CELF2: variants seen among roughly 807,000 people sequenced by gnomAD.
CELF2 encodes CUG triplet repeat RNA-binding protein 2.
Under a neutral mutation model 62.6 loss-of-function variants are expected in CELF2, and 8 were observed. That is an observed-to-expected ratio of 0.13 (90% CI 0.07 to 0.23). The LOEUF (loss-of-function observed/expected upper bound fraction) is 0.23, where lower values mean the gene tolerates loss of function less well. Among genes scored for constraint, CELF2 ranks in the 10% least tolerant of loss-of-function variants. CELF2 has a pLI of 1.00. For synonymous variants in CELF2, 258 were observed against 250.0 expected, an observed-to-expected ratio of 1.03 and a Z score of -0.30; for missense variants, 333 against 671.0, an observed-to-expected ratio of 0.50 and a Z score of 5.56.
In CELF2 at chr10:11,305,760, C is replaced by G. The variant is rs2094155177; in HGVS notation, c.977-8379C>G. Among the ~76,000 whole-genome samples, 1 of 152,222 alleles carries G rather than the reference C, an allele frequency of 6.6e-6. No homozygotes were observed. The highest frequency in any genetic ancestry group is 1.5e-5 in the Non-Finnish European group (1 of 68,048). On this transcript the variant is annotated intron_variant, in intron 9 of 12. Coordinates refer to ENST00000633077, the MANE Select transcript of CELF2 (RefSeq NM_001326342.2). This position sits in a 1 kb window ranked among gnomAD's most constrained non-coding sequence, Gnocchi z 4.8. ...AAGGAGAAGGAACCCATCCCGTCCCCTCAGTTGGGATTAGTGTTTGGGATT... is the reference window on the plus strand; with the variant it reads ...AAGGAGAAGGAACCCATCCCGTCCCGTCAGTTGGGATTAGTGTTTGGGATT...
chr10:11,108,895 CTTTTT>C (rs2054390355), intron 1 of CELF2, among the ~76,000 whole-genome samples: 1 of 152,144 alleles, frequency 6.6e-6, no homozygotes, highest in African/African-American at 2.4e-5. Flanking sequence ...GGTTTCTTGT[CTTTTT>C]TGTTAATCTC....
Position 10,803,912 on chromosome 10 carries a change from C to A in CELF2, c.53+5095C>A, listed in dbSNP as rs909263272. Among the ~76,000 whole-genome samples the A allele has an allele frequency of 2.6e-5, 4 of 152,302 alleles. No individual in the cohort carries two copies. The East Asian group carries it at 7.7e-4, about 29-fold the overall frequency. ...ATGGGGCCAGGGGCTTTGTATATGT[C>A]ATTCACATCCCACCCCTAGTATTTA... On this transcript the variant is annotated intron_variant, in intron 1 of 13. Coordinates refer to the CELF2 transcript ENST00000636488.
At chr10:11,121,544 G>A (rs1701816328) in intron 1 of CELF2, among the ~76,000 whole-genome samples, 1 of 152,098 alleles carries the variant, frequency 6.6e-6, no homozygotes, top group African/African-American at 2.4e-5. Flanking sequence ...TTGTGCTGGG[G>A]ATACAGTGAT....
At chr10:10,505,115 T>C in the CELF2 span, among the ~76,000 whole-genome samples, 1 of 152,226 alleles carries the variant, frequency 6.6e-6, no homozygotes, top group Non-Finnish European at 1.5e-5. Flanking sequence ...AATTAAAACC[T>C]AGACATTTTT....
chr10:10,655,277 G>T, the CELF2 span, among the ~76,000 whole-genome samples: 1 of 139,156 alleles, frequency 7.2e-6, no homozygotes, highest in Non-Finnish European at 1.6e-5. Context: ...AATCAATATC[G>T]TGAAAATGGC....
rs904280131 is a variant in CELF2, at chr10:11,247,990, T to C, written c.355-1163T>C. 6.6e-6 allele frequency among the ~76,000 whole-genome samples: 1 copy of C among 152,156 alleles called. No individual in the cohort carries two copies. Among genetic ancestry groups the C allele is most frequent in the African/African-American group, 2.4e-5 (1 of 41,422 alleles). On this transcript the variant is annotated intron_variant, in intron 3 of 12. Transcript: ENST00000633077. This position sits in a 1 kb window ranked among gnomAD's most constrained non-coding sequence, Gnocchi z 5.4. The stretch of plus-strand genomic sequence containing the variant: ...ACTGCCTGATGATAATTTCCCATGA[T>C]GAAAGTATCAGAGCCAAGTGCCATT...
the CELF2 span, among the ~76,000 whole-genome samples, chr10:10,594,085 T>C: frequency 1.3e-5 from 2 of 152,102 alleles, no homozygotes; most frequent in African/African-American, 2.4e-5. Context: ...AAGTGAGAGA[T>C]GATAAAGACC....
intron 2 of CELF2, chr10:10,923,888 G>T (rs897020824): frequency 1.4e-4 from 22 of 152,064 alleles, no homozygotes; most frequent in African/African-American, 5.1e-4. Flanking sequence ...TTTTATTTTT[G>T]CTTGTAGCAA....
chr10:10,857,649 GTATATATATATATATA>G (rs779543257), intron 1 of CELF2, among the ~76,000 whole-genome samples: 31 of 94,258 alleles, frequency 3.3e-4, no homozygotes, highest in South Asian at 2.1e-3. Flanking sequence ...CATATATATA[GTATATATATATATATA>G]TATATATATA....
intron 1 of CELF2, among the ~76,000 whole-genome samples, chr10:10,877,191 A>C (rs1420287857): frequency 6.6e-6 from 1 of 152,254 alleles, no homozygotes; most frequent in Non-Finnish European, 1.5e-5. Context: ...AGTATGACTG[A>C]CAATTTCTTG....
the CELF2 span, among the ~76,000 whole-genome samples, chr10:10,499,651 G>A: frequency 3.3e-5 from 5 of 152,132 alleles, no homozygotes; most frequent in Admixed American, 1.3e-4. Flanking sequence ...AGGCCAAGGC[G>A]GGCAGATCAT....
chr10:10,736,041 C>A, the CELF2 span, among the ~76,000 whole-genome samples: 54 of 152,310 alleles, frequency 3.5e-4, no homozygotes, highest in African/African-American at 1.3e-3. Context: ...TTCTTCCCAT[C>A]TTTAAAATAA....
the CELF2 span, among the ~76,000 whole-genome samples, chr10:10,759,561 G>A: frequency 0.15 from 23,134 of 151,476 alleles, 1,967 homozygotes; most frequent in East Asian, 0.29. Context: ...CACCCGCCTC[G>A]GCCTCGCAAA....
the CELF2 span, among the ~76,000 whole-genome samples, chr10:10,653,319 G>A: frequency 6.7e-6 from 1 of 149,842 alleles, no homozygotes; most frequent in African/African-American, 2.5e-5. Flanking sequence ...GAGACAGAAA[G>A]TCAACAAGGA....
At chr10:10,511,531 A>G in the CELF2 span, among the ~76,000 whole-genome samples, 1 of 152,152 alleles carries the variant, frequency 6.6e-6, no homozygotes, top group Non-Finnish European at 1.5e-5. Flanking sequence ...TGTAAAGGAA[A>G]AAAGCAAAAG....
rs1249978425 is a variant in CELF2, at chr10:10,997,267, A to G, written c.89+77268A>G. 6.6e-6 allele frequency among the ~76,000 whole-genome samples: 1 copy of G among 152,200 alleles called. No homozygotes were observed. Among genetic ancestry groups the G allele is most frequent in the Non-Finnish European group, 1.5e-5 (1 of 68,042 alleles). On this transcript the variant is annotated intron_variant, in intron 2 of 13. Coordinates refer to the CELF2 transcript ENST00000636488. This position sits in a 1 kb window ranked among gnomAD's most constrained non-coding sequence, Gnocchi z 5.3. ...GTGATGCAAGCCTTTGTGCCACTGC[A>G]CTCTAGCCTGAGCAACAGAGCAAGA... is the stretch of plus-strand genomic sequence containing the variant.
the CELF2 span, among the ~76,000 whole-genome samples, chr10:10,708,927 T>C: frequency 2.0e-5 from 3 of 152,184 alleles, no homozygotes; most frequent in African/African-American, 7.2e-5. Flanking sequence ...GCTAAATTTA[T>C]ATCTAGAAAA....
intron 1 of CELF2, among the ~76,000 whole-genome samples, chr10:11,133,027 A>C (rs781257322): frequency 1.3e-5 from 2 of 152,194 alleles, no homozygotes; most frequent in Non-Finnish European, 2.9e-5. Context: ...CCATTGATTA[A>C]ATACTCCTGT....
intron 1 of CELF2, among the ~76,000 whole-genome samples, chr10:11,089,648 C>T (rs563446619): frequency 3.5e-4 from 53 of 152,102 alleles, no homozygotes; most frequent in South Asian, 1.5e-3. Flanking sequence ...TAAGGATTAA[C>T]GAGGTAGAGA....
Sources: allele counts gnomAD v4.1 joint callset (sites outside exome capture counted in the v4.1 genomes callset), GRCh38; gene constraint gnomAD v4.1.1; non-coding constraint Gnocchi (gnomAD v3.1); transcripts MANE v1.5; gene names NCBI Gene and HGNC (gene_info 2026-07-23, HGNC 2026-07-21).